The following SLC12A1 variants were observed in gnomAD, a reference collection of about 807,000 sequenced individuals.
SLC12A1 encodes Na-K-2Cl cotransporter.
A neutral mutation model predicts 130.4 loss-of-function variants in SLC12A1; 89 were observed. The observed-to-expected ratio is 0.68, with a 90% CI of 0.58 to 0.81. The LOEUF (loss-of-function observed/expected upper bound fraction) is 0.81, where lower values mean the gene tolerates loss of function less well. Among genes scored for constraint, SLC12A1 ranks in the 40% least tolerant of loss-of-function variants. The probability of loss-of-function intolerance (pLI) is 0.00; values close to 1 mark genes in which losing one functional copy is unlikely to be tolerated. For missense variants in SLC12A1, 1,310 were observed against 1,336.4 expected (o/e 0.98, Z 0.31); for synonymous variants, 499 against 460.0 (o/e 1.08, Z -1.09).
At position 48,260,348 on chromosome 15, in the gene SLC12A1, TCACACA is replaced by T. The variant is rs10673427; in HGVS notation, c.2154+1067_2154+1072del. ...TATTCCCTCTCTCTCTCTCTCTCTA[TCACACA>T]CACACACACACACACACACACACAC... On this transcript the variant is annotated intron_variant, in intron 17 of 26. Coordinates refer to ENST00000380993, the MANE Select transcript of SLC12A1 (RefSeq NM_000338.3). Among the ~76,000 whole-genome samples the T allele has an allele frequency of 3.0e-3, 437 of 144,414 alleles. 2 individuals are homozygous for T. The highest frequency in any genetic ancestry group is 7.7e-3 in the African/African-American group (300 of 39,096). 94.7% of individuals were successfully genotyped at this position (144,414 alleles called of 152,430 possible). A position where few individuals can be genotyped will look rare whatever the true frequency, so the allele number is the denominator to read the frequency against.
At chr15:48,241,624 GA>G (rs1861618242) in intron 10 of SLC12A1, 25 bp downstream of exon 10, 14 of 1,517,376 alleles carry the variant, frequency 9.2e-6, no homozygotes, top group Non-Finnish European at 1.3e-5. Context: ...TCCAGTGTCA[GA>G]ATGTCAGAAT....
At chr15:48,295,214 C>A (rs1264515836) in intron 24 of SLC12A1, among the ~76,000 whole-genome samples, 3 of 151,946 alleles carry the variant, frequency 2.0e-5, no homozygotes, top group Non-Finnish European at 4.4e-5. Context: ...CTGGCCTCAC[C>A]CACTTCTTGT....
intron 20 of SLC12A1, among the ~76,000 whole-genome samples, chr15:48,284,296 A>G (rs986707713): frequency 3.9e-5 from 6 of 152,074 alleles, no homozygotes; most frequent in African/African-American, 1.4e-4. Flanking sequence ...TTATTGTAAG[A>G]TTTTGTTATC....
intron 8 of SLC12A1, among the ~76,000 whole-genome samples, chr15:48,233,542 A>G (rs2041404237): frequency 6.6e-6 from 1 of 152,212 alleles, no homozygotes; most frequent in South Asian, 2.1e-4. Context: ...GCATCCTGTG[A>G]TAACATCACA....
intron 7 of SLC12A1, 72 bp from the exon 8 acceptor site, chr15:48,232,655 T>C (rs1272616152): frequency 5.1e-6 from 5 of 979,458 alleles, no homozygotes; most frequent in East Asian, 2.4e-5. Context: ...AGTGGACACT[T>C]CTAACTTTTA....
chr15:48,275,156 G>A (rs1329631019), intron 20 of SLC12A1, among the ~76,000 whole-genome samples: 2 of 152,136 alleles, frequency 1.3e-5, no homozygotes, highest in Non-Finnish European at 2.9e-5. Flanking sequence ...TTTCCCTGTA[G>A]AGAATTTGGT....
chr15:48,223,421 C>T (rs2041241842), intron 4 of SLC12A1: 1 of 152,136 alleles, frequency 6.6e-6, no homozygotes. Flanking sequence ...TGCCTTCTAC[C>T]CTGGGATTTT....
intron 23 of SLC12A1, among the ~76,000 whole-genome samples, chr15:48,290,672 G>A (rs2042109415): frequency 6.6e-6 from 1 of 151,948 alleles, no homozygotes; most frequent in Non-Finnish European, 1.5e-5. Context: ...TCATTGATCA[G>A]AATGTTTTTA....
chr15:48,229,112 T>C (rs536980472), intron 5 of SLC12A1, 77 bp from the exon 6 acceptor site: 5 of 1,429,668 alleles, frequency 3.5e-6, no homozygotes, highest in Non-Finnish European at 4.7e-6. Flanking sequence ...ACTGTAAATG[T>C]TCTCAGATAG....
chr15:48,254,352 G>C (rs1047135839), intron 15 of SLC12A1, among the ~76,000 whole-genome samples: 9 of 151,836 alleles, frequency 5.9e-5, no homozygotes, highest in Non-Finnish European at 1.0e-4. Context: ...TTGACAAGTA[G>C]AGTTTTTATC....
chr15:48,256,832 C>CT (rs898365422), intron 16 of SLC12A1, among the ~76,000 whole-genome samples: 1 of 148,072 alleles, frequency 6.8e-6, no homozygotes, highest in African/African-American at 2.5e-5. Flanking sequence ...GCCCCCCCCC[C>CT]CAAATTTCTT....
chr15:48,251,879 T>C (rs1174117020), intron 15 of SLC12A1, 109 bp downstream of exon 15: 1 of 900,422 alleles, frequency 1.1e-6, no homozygotes, highest in East Asian at 2.5e-5. Context: ...ATATGTAAGG[T>C]GGATATTAAT....
chr15:48,296,858 C>T (rs1825480233), intron 24 of SLC12A1, among the ~76,000 whole-genome samples: 2 of 152,010 alleles, frequency 1.3e-5, no homozygotes, highest in African/African-American at 2.4e-5. Flanking sequence ...CAGAGATGAT[C>T]CAAAGGATAG....
At chr15:48,277,183 A>ATGGC (rs770450471) in intron 20 of SLC12A1, among the ~76,000 whole-genome samples, 5 of 152,156 alleles carry the variant, frequency 3.3e-5, no homozygotes, top group Non-Finnish European at 7.4e-5. Flanking sequence ...GACTGAGGAA[A>ATGGC]TGGCACAAGA....
chr15:48,301,268 A>G (rs930841315), intron 25 of SLC12A1, 47 bp from the exon 26 acceptor site: 1 of 1,257,288 alleles, frequency 8.0e-7, no homozygotes, highest in East Asian at 2.4e-5. Flanking sequence ...ATTCTCATTC[A>G]TAATTCTGGT....
intron 15 of SLC12A1, among the ~76,000 whole-genome samples, chr15:48,253,294 A>G (rs1393842328): frequency 1.3e-5 from 2 of 152,236 alleles, no homozygotes; most frequent in African/African-American, 4.8e-5. Flanking sequence ...ATCAAGATAC[A>G]GGATATTTCC....
intron 9 of SLC12A1, among the ~76,000 whole-genome samples, chr15:48,238,174 T>C (rs1290339896): frequency 6.6e-6 from 1 of 152,272 alleles, no homozygotes; most frequent in Non-Finnish European, 1.5e-5. Flanking sequence ...TTCTATTGGA[T>C]TCTTTTAACG....
chr15:48,272,100 AG>A (rs1196435810), intron 19 of SLC12A1, among the ~76,000 whole-genome samples: 3 of 152,214 alleles, frequency 2.0e-5, no homozygotes, highest in Admixed American at 6.5e-5. Context: ...TGAACCAAGG[AG>A]GCCTCTGGCT....
chr15:48,220,395 A>T (rs1327595909), intron 2 of SLC12A1, among the ~76,000 whole-genome samples: 1 of 152,192 alleles, frequency 6.6e-6, no homozygotes, highest in Non-Finnish European at 1.5e-5. Flanking sequence ...CTAGTGGAAG[A>T]ACATCTCAGG....
Sources: allele counts gnomAD v4.1 joint callset (sites outside exome capture counted in the v4.1 genomes callset), GRCh38; gene constraint gnomAD v4.1.1; transcripts MANE v1.5; gene names NCBI Gene and HGNC (gene_info 2026-07-23, HGNC 2026-07-21).